UBAP2: variants seen among roughly 807,000 people sequenced by gnomAD.
UBAP2 encodes the protein ubiquitin associated protein 2.
In UBAP2, 75 loss-of-function variants were observed where a neutral mutation model predicts 139.6. The observed-to-expected ratio is 0.54, with a 90% CI of 0.45 to 0.65. The LOEUF (loss-of-function observed/expected upper bound fraction) is 0.65. Among genes scored for constraint, UBAP2 ranks in the 30% least tolerant of loss-of-function variants. The probability of loss-of-function intolerance (pLI) is 0.00; values close to 1 mark genes in which losing one functional copy is unlikely to be tolerated. For missense variants in UBAP2, 1,368 were observed against 1,369.6 expected, an observed-to-expected ratio of 1.00 and a Z score of 0.02; for synonymous variants, 526 against 526.2, an observed-to-expected ratio of 1.00 and a Z score of 0.01.
At chr9:34,021,155 A>G (rs1564067047) in intron 1 of UBAP2, among the ~76,000 whole-genome samples, 2 of 152,220 alleles carry the variant, frequency 1.3e-5, no homozygotes, top group African/African-American at 4.8e-5. Context: ...CAGGTACCAA[A>G]GAAAATTGTG....
At chr9:34,045,208 T>G (rs1429046708) in intron 1 of UBAP2, among the ~76,000 whole-genome samples, 1 of 151,488 alleles carries the variant, frequency 6.6e-6, no homozygotes, top group Non-Finnish European at 1.5e-5. Context: ...TAGCCGGGCG[T>G]GGCGGCAGGC....
chr9:33,985,046 A>G (rs1821087519), intron 6 of UBAP2, among the ~76,000 whole-genome samples: 1 of 152,206 alleles, frequency 6.6e-6, no homozygotes, highest in Admixed American at 6.5e-5. Context: ...ATTTTGGAAA[A>G]CAGTATGGAG....
chr9:33,987,564 A>G (rs1821326910), intron 5 of UBAP2, among the ~76,000 whole-genome samples: 2 of 152,188 alleles, frequency 1.3e-5, no homozygotes, highest in African/African-American at 2.4e-5. Flanking sequence ...AGCTGTGATC[A>G]TGCCACTGCA....
At position 33,995,520 on chromosome 9, in the gene UBAP2, TATAA is replaced by T. The variant is rs1451432245; in HGVS notation, c.288+699_288+702del. ...ATATATATATTTATATTATTAAATA[TATAA>T]ATATATTTATATTATTAAATATATT... is the stretch of plus-strand genomic sequence containing the variant. On this transcript the variant is annotated intron_variant, in intron 4 of 28. Transcript: ENST00000379238. The T allele has an allele frequency of 2.4e-4, 26 of 107,930 alleles. No individual in the cohort carries two copies. The Admixed American group carries it at 2.5e-3, about 10-fold the overall frequency. The allele number at this position is 107,930 out of a possible 1,614,324, so 6.7% of individuals were successfully genotyped here. A position where few individuals can be genotyped will look rare whatever the true frequency, so the allele number is the denominator to read the frequency against.
chr9:33,959,815 T>C (rs147817318), intron 10 of UBAP2, among the ~76,000 whole-genome samples: 95 of 152,276 alleles, frequency 6.2e-4, no homozygotes, highest in African/African-American at 2.1e-3. Flanking sequence ...AGACTCCCCT[T>C]TAATGAAAAT....
chr9:34,017,612 T>C (rs1824484373), intron 1 of UBAP2, among the ~76,000 whole-genome samples: 1 of 152,132 alleles, frequency 6.6e-6, no homozygotes, highest in Non-Finnish European at 1.5e-5. Flanking sequence ...AAAAGTCAGC[T>C]GTAAATAATA....
At chr9:33,930,772 T>A (rs751724055) in intron 19 of UBAP2, among the ~76,000 whole-genome samples, 2 of 151,776 alleles carry the variant, frequency 1.3e-5, no homozygotes, top group Non-Finnish European at 2.9e-5. Context: ...GGTATGCGCC[T>A]GTAACCCCAG....
chr9:33,990,029 CT>C (rs1165122403), intron 4 of UBAP2, among the ~76,000 whole-genome samples: 5 of 148,852 alleles, frequency 3.4e-5, no homozygotes, highest in Non-Finnish European at 7.4e-5. Context: ...CACCTCTCCC[CT>C]AATGGTGATA....
chr9:34,005,265 GAA>G (rs1023617544), intron 2 of UBAP2, among the ~76,000 whole-genome samples: 21 of 88,432 alleles, frequency 2.4e-4, no homozygotes, highest in South Asian at 9.5e-4. Flanking sequence ...TGTGTCTCAA[GAA>G]AAAAAAAAAA....
At chr9:33,925,559 G>C (rs917087435) in intron 22 of UBAP2, among the ~76,000 whole-genome samples, 1 of 152,194 alleles carries the variant, frequency 6.6e-6, no homozygotes, top group Non-Finnish European at 1.5e-5. Context: ...AATGAATCCC[G>C]GGGCTCAGCA....
intron 2 of UBAP2, among the ~76,000 whole-genome samples, chr9:34,016,473 T>C (rs1824358286): frequency 1.3e-5 from 2 of 151,986 alleles, no homozygotes; most frequent in Admixed American, 1.3e-4. Flanking sequence ...AGAGTTCTCA[T>C]GGAACAACAT....
chr9:33,935,913 A>G (rs1824470627), intron 16 of UBAP2, 35 bp from the exon 17 acceptor site: 8 of 1,598,588 alleles, frequency 5.0e-6, no homozygotes, highest in South Asian at 1.1e-5. Context: ...ATATAAACTT[A>G]CAAAATGAAA....
At chr9:34,015,825 T>A (rs1824200452) in intron 2 of UBAP2, among the ~76,000 whole-genome samples, 2 of 152,070 alleles carry the variant, frequency 1.3e-5, no homozygotes. Context: ...GAAGCCATCA[T>A]GCCCAGCTAC....
At chr9:33,932,450 G>A in intron 19 of UBAP2, 112 bp downstream of exon 19, 1 of 1,252,844 alleles carries the variant, frequency 8.0e-7, no homozygotes, top group Non-Finnish European at 1.1e-6. Flanking sequence ...TTTCAGCCAA[G>A]CAACTCTAGA....
rs1057389409 is a variant in UBAP2 at position 33,923,725 on chromosome 9, T to C, written c.2796+70A>G. The stretch of plus-strand genomic sequence containing the variant: ...ACAACCCTCCCTCCCTGCTGGAAGA[T>C]AGGTCCCAGGTTTCCACCTGCCAGC... On this transcript the variant is annotated intron_variant, in intron 24 of 28. Transcript: ENST00000379238. 2.1e-5 allele frequency: 32 copies of C among 1,497,988 alleles called. 1 individual carries two copies. The highest frequency in any genetic ancestry group is 2.6e-5 in the Non-Finnish European group (28 of 1,078,112). The allele number at this position is 1,497,988 out of a possible 1,614,324, so 92.8% of individuals were successfully genotyped here. A position where few individuals can be genotyped will look rare whatever the true frequency, so the allele number is the denominator to read the frequency against.
intron 1 of UBAP2, among the ~76,000 whole-genome samples, chr9:34,040,225 G>C (rs1458038631): frequency 1.3e-5 from 2 of 151,068 alleles, no homozygotes; most frequent in African/African-American, 4.9e-5. Context: ...TAGGGAGGCT[G>C]GGGCAGAAGA....
rs1030831136 is a variant in UBAP2 at position 34,014,892 on chromosome 9, G to C, written c.99+2158C>G. 5.3e-5 allele frequency among the ~76,000 whole-genome samples: 8 copies of C among 152,062 alleles called. No individual in the cohort carries two copies. In the East Asian group the frequency reaches 7.7e-4, roughly 15 times the overall value. On this transcript the variant is annotated intron_variant, in intron 2 of 28. Transcript: ENST00000379238. ...TTCCATCACTGGACTAGATCAGTTT[G>C]TGAATAAATTCCTATCAGAGTAAGT...
chr9:34,039,434 T>G (rs552354198), intron 1 of UBAP2, among the ~76,000 whole-genome samples: 206 of 152,248 alleles, frequency 1.4e-3, no homozygotes, highest in Non-Finnish European at 2.2e-3. Flanking sequence ...GGGGAAAAGA[T>G]AGAGAAATCA....
chr9:33,943,661 C>T, intron 14 of UBAP2, 72 bp from the exon 15 acceptor site: 1 of 1,459,970 alleles, frequency 6.8e-7, no homozygotes, highest in Admixed American at 2.0e-5. Flanking sequence ...ATAACAGAGC[C>T]AAACAAGCAT....
Sources: gnomAD v4.1 joint callset for allele counts (sites outside exome capture counted in the v4.1 genomes callset) on GRCh38, gnomAD v4.1.1 for gene constraint, MANE v1.5 for transcripts, NCBI Gene and HGNC (gene_info 2026-07-23, HGNC 2026-07-21) for gene names.